The following ROBO2 variants were observed in gnomAD, a reference collection of about 807,000 sequenced individuals.
ROBO2 encodes roundabout homolog 2.
A neutral mutation model predicts 160.8 loss-of-function variants in ROBO2; 53 were observed. The observed-to-expected ratio is 0.33, with a 90% CI of 0.26 to 0.41. ROBO2 has a LOEUF of 0.41. ROBO2 is among the 10% of genes least tolerant of loss of function. The pLI, the probability that ROBO2 is intolerant of heterozygous loss-of-function variation, is 1.00. For synonymous variants in ROBO2, 664 were observed against 611.7 expected (o/e 1.09, Z -1.26); for missense variants, 1,577 against 1,722.4 (o/e 0.92, Z 1.49).
At chr3:76,263,428 G>A (rs536458487) in intron 2 of ROBO2, among the ~76,000 whole-genome samples, 38 of 152,054 alleles carry the variant, frequency 2.5e-4, no homozygotes, top group African/African-American at 7.5e-4. Flanking sequence ...TTGCTGTGTC[G>A]CCTAGGCTGA....
At chr3:76,726,520 A>G (rs763411625) in intron 2 of ROBO2, among the ~76,000 whole-genome samples, 2 of 152,038 alleles carry the variant, frequency 1.3e-5, no homozygotes, top group Non-Finnish European at 2.9e-5. Flanking sequence ...CTGAGTTTAC[A>G]ACCTTATAAT....
intron 5 of ROBO2, among the ~76,000 whole-genome samples, chr3:77,509,170 C>T (rs2153614270): frequency 6.6e-6 from 1 of 152,030 alleles, no homozygotes; most frequent in African/African-American, 2.4e-5. Context: ...GTCGTTTGCT[C>T]CTCCGGTGCC....
chr3:76,840,645 T>TTATATATATATATATATATA (rs3068959), intron 2 of ROBO2, among the ~76,000 whole-genome samples: 2 of 134,986 alleles, frequency 1.5e-5, no homozygotes, highest in African/African-American at 5.5e-5. Flanking sequence ...TAATTATATT[T>TTATATATATATATATATATA]TATATATATA....
At chr3:76,143,221 G>A (rs905461611) in intron 2 of ROBO2, among the ~76,000 whole-genome samples, 8 of 151,912 alleles carry the variant, frequency 5.3e-5, no homozygotes, top group Admixed American at 5.3e-4. Flanking sequence ...TGTAGAGACA[G>A]AGTCTCAATA....
intron 2 of ROBO2, among the ~76,000 whole-genome samples, chr3:76,580,342 G>GTTTTTTTTTTTTTTTTTTTTTTTTTGTTT (rs71101901): frequency 2.2e-5 from 2 of 90,538 alleles, no homozygotes; most frequent in African/African-American, 8.7e-5. Flanking sequence ...TTTTTTTTGT[G>GTTTTTTTTTTTTTTTTTTTTTTTTTGTTT]TTTTTTTTTT....
At chr3:76,589,533 T>C (rs372396223) in intron 2 of ROBO2, among the ~76,000 whole-genome samples, 1 of 152,266 alleles carries the variant, frequency 6.6e-6, no homozygotes, top group South Asian at 2.1e-4. Context: ...GAGCATTGTG[T>C]TGCACAAGTA....
intron 2 of ROBO2, among the ~76,000 whole-genome samples, chr3:76,395,124 G>C (rs887340380): frequency 1.3e-5 from 2 of 151,812 alleles, no homozygotes; most frequent in South Asian, 4.2e-4. Flanking sequence ...ATAACAAACT[G>C]TCTCTCAGAC....
At chr3:77,156,950 C>CT (rs1307298547) in intron 2 of ROBO2, among the ~76,000 whole-genome samples, 1 of 151,930 alleles carries the variant, frequency 6.6e-6, no homozygotes, top group Non-Finnish European at 1.5e-5. Context: ...ATCAATATCA[C>CT]TCGGGAACTT....
intron 2 of ROBO2, among the ~76,000 whole-genome samples, chr3:76,642,341 CTTTTTTTT>C (rs71104611): frequency 0.012 from 729 of 62,178 alleles, 6 homozygotes; most frequent in African/African-American, 0.051. Context: ...TTTACACTTG[CTTTTTTTT>C]TTTTTTTTTT....
At chr3:76,276,945 A>G (rs376476173) in intron 2 of ROBO2, among the ~76,000 whole-genome samples, 21 of 152,188 alleles carry the variant, frequency 1.4e-4, no homozygotes, top group East Asian at 5.8e-4. Flanking sequence ...AATTCTAAAC[A>G]TGAAATTCAT....
At chr3:76,593,309 G>A (rs2086537315) in intron 2 of ROBO2, among the ~76,000 whole-genome samples, 1 of 151,970 alleles carries the variant, frequency 6.6e-6, no homozygotes, top group Non-Finnish European at 1.5e-5. Flanking sequence ...AGATCATCAA[G>A]ATTGGCTAAT....
intron 2 of ROBO2, among the ~76,000 whole-genome samples, chr3:76,451,108 A>G (rs915762826): frequency 5.3e-5 from 8 of 152,104 alleles, no homozygotes; most frequent in Admixed American, 4.6e-4. Context: ...AAGTAACACA[A>G]AGCTCTTCAG....
intron 2 of ROBO2, among the ~76,000 whole-genome samples, chr3:76,416,369 C>T (rs965495876): frequency 1.3e-5 from 2 of 151,782 alleles, no homozygotes; most frequent in Admixed American, 6.6e-5. Flanking sequence ...TATGAAGTAG[C>T]TTTGAAAGGA....
At chr3:76,458,000 G>A (rs1213252535) in intron 2 of ROBO2, among the ~76,000 whole-genome samples, 3 of 152,142 alleles carry the variant, frequency 2.0e-5, no homozygotes, top group African/African-American at 7.2e-5. Flanking sequence ...CCTGTGATGG[G>A]AGGGGCTTCT....
chr3:77,361,588 T>G lies in ROBO2; in HGVS notation c.389-115826T>G, dbSNP rs150036972. On this transcript the variant is annotated intron_variant, in intron 2 of 25. Transcript: ENST00000461745. ...GCAGATTCAGTGTCTGGTGAGGGTC[T>G]CTCCTTCAAAGTTGGCACCTTCTAT... Among the ~76,000 whole-genome samples, 878 of 152,192 alleles carry G rather than the reference T, an allele frequency of 5.8e-3. 11 individuals are homozygous for G. The highest frequency in any genetic ancestry group is 0.02 in the African/African-American group (837 of 41,524).
chr3:76,183,519 TATC>T (rs1342335275), intron 2 of ROBO2, among the ~76,000 whole-genome samples: 2 of 152,256 alleles, frequency 1.3e-5, no homozygotes, highest in Non-Finnish European at 2.9e-5. Flanking sequence ...TCACCTTCCT[TATC>T]ATTTCTTCAT....
chr3:76,165,075 G>A (rs912996098), intron 2 of ROBO2, among the ~76,000 whole-genome samples: 3 of 151,878 alleles, frequency 2.0e-5, no homozygotes, highest in East Asian at 1.9e-4. Context: ...TTTTTACCAC[G>A]GGAAAAAATA....
At chr3:77,546,583 G>C in intron 7 of ROBO2, 121 bp downstream of exon 8, 1 of 1,253,658 alleles carries the variant, frequency 8.0e-7, no homozygotes, top group Non-Finnish European at 1.2e-6. Context: ...TTCTGAAAAA[G>C]AGACTGGTGA....
At chr3:77,372,125 A>T (rs1181240877) in intron 2 of ROBO2, among the ~76,000 whole-genome samples, 1 of 152,094 alleles carries the variant, frequency 6.6e-6, no homozygotes, top group African/African-American at 2.4e-5. Context: ...AGGAGATTTT[A>T]AAAAGGGGGA....
Sources: gnomAD v4.1 joint callset for allele counts (sites outside exome capture counted in the v4.1 genomes callset) on GRCh38, gnomAD v4.1.1 for gene constraint, MANE v1.5 for transcripts, NCBI Gene and HGNC (gene_info 2026-07-23, HGNC 2026-07-21) for gene names.